The following ANO3 variants were observed in gnomAD, a reference collection of about 807,000 sequenced individuals.
ANO3 encodes the protein anoctamin-3.
In ANO3, 99 loss-of-function variants were observed where a neutral mutation model predicts 144.8. The ratio of observed to expected loss-of-function variants is 0.68; its 90% CI spans 0.58 to 0.81. The LOEUF is 0.81. Ranked by LOEUF, ANO3 falls within the 30% of genes least tolerant of loss-of-function variation. ANO3 has a pLI of 0.00. For synonymous variants in ANO3, 414 were observed against 392.6 expected, an observed-to-expected ratio of 1.05 and a Z score of -0.64; for missense variants, 905 against 1,202.2, an observed-to-expected ratio of 0.75 and a Z score of 3.66.
At chr11:26,552,569 T>C (rs1420338785) in intron 12 of ANO3, among the ~76,000 whole-genome samples, 3 of 152,084 alleles carry the variant, frequency 2.0e-5, no homozygotes, top group Non-Finnish European at 4.4e-5. Flanking sequence ...TTGTTATTGA[T>C]GTGTTAGTGC....
chr11:26,436,853 G>T (rs539301346), intron 1 of ANO3, among the ~76,000 whole-genome samples: 8 of 152,178 alleles, frequency 5.3e-5, no homozygotes, highest in Admixed American at 4.6e-4. Flanking sequence ...ACTGGCAGGG[G>T]TGGTTATAGA....
chr11:26,241,258 C>T (rs891790402), intron 1 of ANO3, among the ~76,000 whole-genome samples: 20 of 152,106 alleles, frequency 1.3e-4, no homozygotes, highest in Admixed American at 3.3e-4. Context: ...TTCCCAGTCT[C>T]GGGTATGTCT....
At chr11:26,260,739 T>C (rs1284292572) in intron 1 of ANO3, among the ~76,000 whole-genome samples, 1 of 152,156 alleles carries the variant, frequency 6.6e-6, no homozygotes, top group Non-Finnish European at 1.5e-5. Context: ...CATGCAAAAC[T>C]AAATCCATAC....
At chr11:26,629,829 C>T (rs1295549831) in intron 18 of ANO3, among the ~76,000 whole-genome samples, 1 of 152,012 alleles carries the variant, frequency 6.6e-6, no homozygotes, top group Non-Finnish European at 1.5e-5. Flanking sequence ...CAGGGTTTCT[C>T]CATGTTAGTC....
intron 1 of ANO3, among the ~76,000 whole-genome samples, chr11:26,205,648 T>C (rs1365076576): frequency 6.6e-6 from 1 of 152,220 alleles, no homozygotes; most frequent in Non-Finnish European, 1.5e-5. Context: ...GGGGAACTTA[T>C]GGCCTTCACT....
At chr11:26,602,935 A>G (rs1198225252) in intron 17 of ANO3, among the ~76,000 whole-genome samples, 20 of 152,186 alleles carry the variant, frequency 1.3e-4, no homozygotes, top group Admixed American at 1.3e-3. Context: ...GAAAAGATAA[A>G]TAGTCACAAC....
intron 17 of ANO3, among the ~76,000 whole-genome samples, chr11:26,608,351 T>C (rs2132955391): frequency 6.6e-6 from 1 of 152,306 alleles, no homozygotes; most frequent in South Asian, 2.1e-4. Context: ...AGCACCAAGC[T>C]GATGCCAGAA....
chr11:26,243,686 G>T (rs1236234104), intron 1 of ANO3, among the ~76,000 whole-genome samples: 2 of 152,116 alleles, frequency 1.3e-5, no homozygotes, highest in Non-Finnish European at 2.9e-5. Flanking sequence ...ACTTATCAGT[G>T]AATCTCAATT....
chr11:26,415,928 C>T (rs1857573082), intron 1 of ANO3, among the ~76,000 whole-genome samples: 1 of 152,066 alleles, frequency 6.6e-6, no homozygotes, highest in Non-Finnish European at 1.5e-5. Context: ...AGGTGATGGA[C>T]TCCCTTGAGG....
intron 4 of ANO3, among the ~76,000 whole-genome samples, chr11:26,488,270 C>A (rs1860546864): frequency 6.6e-6 from 1 of 152,154 alleles, no homozygotes; most frequent in Non-Finnish European, 1.5e-5. Flanking sequence ...AAAGAAAACC[C>A]CATTTTTTGA....
At chr11:26,634,889 C>G in intron 19 of ANO3, 124 bp from the exon 20 acceptor site, 1 of 713,504 alleles carries the variant, frequency 1.4e-6, no homozygotes, top group South Asian at 1.8e-5. Flanking sequence ...CAGAAGTCAA[C>G]TGGGGACAGA....
intron 1 of ANO3, among the ~76,000 whole-genome samples, chr11:26,419,255 A>G (rs1055578460): frequency 3.9e-5 from 6 of 152,146 alleles, no homozygotes; most frequent in Non-Finnish European, 7.4e-5. Flanking sequence ...GTGTTAAATC[A>G]TGAGGAATTG....
upstream of ANO3, among the ~76,000 whole-genome samples, chr11:26,328,839 T>C (rs1456172740): frequency 6.6e-6 from 1 of 152,162 alleles, no homozygotes; most frequent in Non-Finnish European, 1.5e-5. Context: ...ATATCATTGA[T>C]AAAGTATGAA....
intron 4 of ANO3, among the ~76,000 whole-genome samples, chr11:26,482,645 A>G (rs1175035590): frequency 6.6e-6 from 1 of 152,162 alleles, no homozygotes; most frequent in Non-Finnish European, 1.5e-5. Flanking sequence ...GGGGTACAAG[A>G]GCAGTTTTGC....
intron 20 of ANO3, among the ~76,000 whole-genome samples, chr11:26,636,912 C>T (rs1262894361): frequency 6.6e-6 from 1 of 152,132 alleles, no homozygotes; most frequent in East Asian, 1.9e-4. Context: ...AGTGAAGATA[C>T]CAACAACTAC....
intron 14 of ANO3, chr11:26,565,578 T>C: frequency 6.2e-7 from 1 of 1,613,360 alleles, no homozygotes; most frequent in East Asian, 2.2e-5. Context: ...CAAAGAATGC[T>C]CTGCTGATGA....
chr11:26,358,371 C>T (rs891562576), intron 1 of ANO3, among the ~76,000 whole-genome samples: 15 of 152,126 alleles, frequency 9.9e-5, no homozygotes, highest in South Asian at 4.2e-4. Flanking sequence ...GGGGTTTCAC[C>T]ATGTTGGCCA....
chr11:26,280,872 CA>C (rs1853662872), intron 1 of ANO3, among the ~76,000 whole-genome samples: 1 of 152,282 alleles, frequency 6.6e-6, no homozygotes. Context: ...GGCCTCTGCA[CA>C]AAAGCAGTAA....
chr11:26,443,617 C>A (rs1858604837), intron 2 of ANO3, 148 bp from the exon 3 acceptor site: 1 of 502,678 alleles, frequency 2.0e-6, no homozygotes, highest in Non-Finnish European at 3.5e-6. Flanking sequence ...ACGGAAAAAA[C>A]AGTGACATTT....
Sources: gnomAD v4.1 joint callset for allele counts (sites outside exome capture counted in the v4.1 genomes callset) on GRCh38, gnomAD v4.1.1 for gene constraint, MANE v1.5 for transcripts, NCBI Gene and HGNC (gene_info 2026-07-23, HGNC 2026-07-21) for gene names.